Variants in RAPGEF5 observed in about 807,000 individuals in gnomAD.
RAPGEF5 encodes the protein M-Ras-regulated GEF.
Under a neutral mutation model 125.2 loss-of-function variants are expected in RAPGEF5, and 65 were observed. The ratio of observed to expected loss-of-function variants is 0.52; its 90% CI spans 0.43 to 0.64. RAPGEF5 has a LOEUF of 0.64. Ranked by LOEUF, RAPGEF5 falls within the 30% of genes least tolerant of loss-of-function variation. The pLI is 0.00. For missense variants in RAPGEF5, 958 were observed against 1,048.1 expected (o/e 0.91, Z 1.19); for synonymous variants, 391 against 385.9 (o/e 1.01, Z -0.16).
chr7:22,332,018 G>C (rs562682672), intron 1 of RAPGEF5, among the ~76,000 whole-genome samples: 22 of 152,196 alleles, frequency 1.4e-4, no homozygotes, highest in South Asian at 1.2e-3. Context: ...CTGGAGATTG[G>C]TTGCACAACA....
intron 8 of RAPGEF5, among the ~76,000 whole-genome samples, chr7:22,227,269 T>C (rs1785941423): frequency 6.6e-6 from 1 of 151,998 alleles, no homozygotes; most frequent in African/African-American, 2.4e-5. Flanking sequence ...ACTCGAATAA[T>C]ATCAAACATA....
At chr7:22,148,801 G>C (rs771514537) in intron 18 of RAPGEF5, among the ~76,000 whole-genome samples, 1 of 152,228 alleles carries the variant, frequency 6.6e-6, no homozygotes, top group Non-Finnish European at 1.5e-5. Context: ...ATGGGTGGCA[G>C]AGGAGGCATA....
chr7:22,180,195 A>T (rs1424047473), intron 11 of RAPGEF5, among the ~76,000 whole-genome samples: 1 of 152,222 alleles, frequency 6.6e-6, no homozygotes, highest in Non-Finnish European at 1.5e-5. Context: ...CTACAATATC[A>T]AAACAAACTT....
intron 23 of RAPGEF5, among the ~76,000 whole-genome samples, chr7:22,134,051 G>A (rs1269006183): frequency 1.3e-5 from 2 of 152,100 alleles, no homozygotes; most frequent in Non-Finnish European, 2.9e-5. Flanking sequence ...ACAAGAGAGG[G>A]GGAGACAAAG....
intron 6 of RAPGEF5, among the ~76,000 whole-genome samples, chr7:22,280,883 G>A (rs1487273324): frequency 6.6e-6 from 1 of 152,150 alleles, no homozygotes; most frequent in African/African-American, 2.4e-5. Flanking sequence ...TCTAGGTGAG[G>A]AAGCAGTGCC....
intron 7 of RAPGEF5, among the ~76,000 whole-genome samples, chr7:22,231,269 A>AT (rs548107366): frequency 1.4e-3 from 214 of 150,974 alleles, no homozygotes; most frequent in African/African-American, 4.9e-3. Context: ...ACAGCCATAT[A>AT]TTTTTTTTAA....
intron 9 of RAPGEF5, among the ~76,000 whole-genome samples, chr7:22,204,547 GA>G (rs1428211901): frequency 6.6e-6 from 1 of 152,192 alleles, no homozygotes; most frequent in Non-Finnish European, 1.5e-5. Flanking sequence ...GTTATGGAAT[GA>G]AAAATTTCTA....
chr7:22,314,413 T>C lies in RAPGEF5; in HGVS notation c.389+957A>G, dbSNP rs531153964. ...CTCAGTACAAAGGGGGTCGGTGGTC[T>C]CACTCTGATAGTCTGGGAATTACTA... On this transcript the variant is annotated intron_variant, in intron 3 of 25. Transcript: ENST00000665637. Among the ~76,000 whole-genome samples the C allele has an allele frequency of 2.0e-5, 3 of 152,258 alleles. No individual in the cohort carries two copies. In the South Asian group the frequency reaches 6.2e-4, roughly 32 times the overall value.
At chr7:22,295,600 T>C (rs992630487) in intron 5 of RAPGEF5, among the ~76,000 whole-genome samples, 2 of 152,202 alleles carry the variant, frequency 1.3e-5, no homozygotes, top group Non-Finnish European at 2.9e-5. Flanking sequence ...GACTTAGTGT[T>C]TCCTTGGGAG....
At chr7:22,187,761 T>C (rs1376048966) in intron 11 of RAPGEF5, among the ~76,000 whole-genome samples, 4 of 152,212 alleles carry the variant, frequency 2.6e-5, no homozygotes, top group Non-Finnish European at 5.9e-5. Context: ...TCAGAGGGGT[T>C]GTAAAGGGGG....
intron 14 of RAPGEF5, among the ~76,000 whole-genome samples, chr7:22,159,977 T>C (rs10228358): frequency 0.97 from 147,126 of 152,108 alleles, 71,173 homozygotes; most frequent in East Asian, 0.99. Flanking sequence ...GGTGTGGTGG[T>C]GCACCTCTGT....
rs1027072087 is a variant in RAPGEF5, at chr7:22,262,725, C to T, written c.796+4239G>A. On this transcript the variant is annotated intron_variant, in intron 7 of 25. Coordinates refer to ENST00000665637, the MANE Select transcript of RAPGEF5 (RefSeq NM_012294.5). ...ATGGTTAAAAGTATTATGGTACATTCATGCCACGGAACACTATTCAGCAAT... is the reference window on the plus strand; with the variant it reads ...ATGGTTAAAAGTATTATGGTACATTTATGCCACGGAACACTATTCAGCAAT... Among the ~76,000 whole-genome samples, 12 of 128,928 alleles carry T rather than the reference C, an allele frequency of 9.3e-5. No homozygotes were observed. The East Asian group carries it at 4.4e-3, about 48-fold the overall frequency. The allele number at this position is 128,928 out of a possible 152,430, so 84.6% of individuals were successfully genotyped here. A position where few individuals can be genotyped will look rare whatever the true frequency, so the allele number is the denominator to read the frequency against.
rs758866512 is a variant in RAPGEF5 at position 22,145,012 on chromosome 7, G to C, written c.2186+32C>G. 3.1e-6 allele frequency: 5 copies of C among 1,601,992 alleles called. No homozygotes were observed. The East Asian group carries it at 9.0e-5, about 29-fold the overall frequency. On this transcript the variant is annotated intron_variant, in intron 20 of 25. Transcript: ENST00000665637. ...ACAATGTACTCTCTCAAGAAGACTA[G>C]AGGAATGGCACTTCTCACACTAGAA...
At chr7:22,197,030 G>A (rs969062691) in intron 9 of RAPGEF5, among the ~76,000 whole-genome samples, 1 of 152,136 alleles carries the variant, frequency 6.6e-6, no homozygotes, top group Non-Finnish European at 1.5e-5. Context: ...GGGAACCTAC[G>A]TACAGAGAGA....
intron 1 of RAPGEF5, among the ~76,000 whole-genome samples, chr7:22,350,169 C>A (rs1020621194): frequency 1.2e-4 from 19 of 152,060 alleles, no homozygotes; most frequent in African/African-American, 4.6e-4. Context: ...AAAAAAATCA[C>A]AAGCGCTCAA....
At chr7:22,167,038 G>A in intron 12 of RAPGEF5, 32 bp downstream of exon 12, 1 of 1,552,332 alleles carries the variant, frequency 6.4e-7, no homozygotes, top group Non-Finnish European at 8.9e-7. Context: ...GAGAGGAAGT[G>A]GACACAGCAG....
At chr7:22,270,269 C>T (rs1174643023) in intron 6 of RAPGEF5, among the ~76,000 whole-genome samples, 1 of 152,218 alleles carries the variant, frequency 6.6e-6, no homozygotes, top group Non-Finnish European at 1.5e-5. Context: ...AGGCAGTCAC[C>T]TAGGTGCTCT....
intron 2 of RAPGEF5, among the ~76,000 whole-genome samples, chr7:22,317,700 T>C (rs1393706998): frequency 6.6e-6 from 1 of 152,214 alleles, no homozygotes; most frequent in Non-Finnish European, 1.5e-5. Flanking sequence ...CGTATTTATA[T>C]TATATACATG....
At chr7:22,285,697 C>T (rs1370451480) in intron 6 of RAPGEF5, among the ~76,000 whole-genome samples, 2 of 152,172 alleles carry the variant, frequency 1.3e-5, no homozygotes, top group Non-Finnish European at 2.9e-5. Context: ...ATACACCCTT[C>T]AAAGAAAATG....
Sources: allele counts gnomAD v4.1 joint callset (sites outside exome capture counted in the v4.1 genomes callset), GRCh38; gene constraint gnomAD v4.1.1; transcripts MANE v1.5; gene names NCBI Gene and HGNC (gene_info 2026-07-23, HGNC 2026-07-21).